MCPH1: variants seen among roughly 807,000 people sequenced by gnomAD.
MCPH1 encodes microcephalin.
Under a neutral mutation model 84.5 loss-of-function variants are expected in MCPH1, and 104 were observed. The observed-to-expected ratio is 1.23, with a 90% confidence interval of 1.05 to 1.45. MCPH1 has a LOEUF of 1.45. Ranked by LOEUF, MCPH1 falls within the 40% of genes most tolerant of loss-of-function variation. The pLI, the probability that MCPH1 is intolerant of heterozygous loss-of-function variation, is 0.00. For missense variants in MCPH1, 1,498 were observed against 1,005.7 expected (o/e 1.49, Z -6.62); for synonymous variants, 514 against 366.8 (o/e 1.40, Z -4.58).
chr8:6,469,965 G>A (rs1364573377), intron 9 of MCPH1, among the ~76,000 whole-genome samples: 1 of 151,884 alleles, frequency 6.6e-6, no homozygotes, highest in Non-Finnish European at 1.5e-5. Context: ...CCTTTTTCAC[G>A]TTTGCTCTGA....
chr8:6,548,714 C>T (rs1823054239), intron 12 of MCPH1, among the ~76,000 whole-genome samples: 1 of 152,168 alleles, frequency 6.6e-6, no homozygotes, highest in Admixed American at 6.5e-5. Flanking sequence ...AGCAAGCTCC[C>T]ATTGGCAAAA....
chr8:6,465,309 C>G (rs765487655), intron 9 of MCPH1, among the ~76,000 whole-genome samples: 6 of 152,240 alleles, frequency 3.9e-5, no homozygotes, highest in Non-Finnish European at 8.8e-5. Flanking sequence ...CTGCGCCTCT[C>G]TGGTACCAGT....
chr8:6,412,046 G>C (rs1049106733), intron 2 of MCPH1, among the ~76,000 whole-genome samples: 3 of 152,148 alleles, frequency 2.0e-5, no homozygotes, highest in African/African-American at 7.2e-5. Flanking sequence ...GCTGCTGTGG[G>C]TATAAAACTT....
At chr8:6,427,835 C>A (rs1449922479) in intron 3 of MCPH1, among the ~76,000 whole-genome samples, 1 of 150,858 alleles carries the variant, frequency 6.6e-6, no homozygotes, top group Non-Finnish European at 1.5e-5. Context: ...CTCTGTCGCC[C>A]AGACTGGAGT....
At chr8:6,436,843 G>A (rs1297693179) in intron 5 of MCPH1, among the ~76,000 whole-genome samples, 4 of 151,892 alleles carry the variant, frequency 2.6e-5, no homozygotes, top group African/African-American at 4.8e-5. Flanking sequence ...GGTGGCAGGC[G>A]CCTGTAGTCC....
intron 9 of MCPH1, among the ~76,000 whole-genome samples, chr8:6,460,819 T>G (rs1323890053): frequency 1.3e-5 from 2 of 152,254 alleles, no homozygotes; most frequent in East Asian, 3.9e-4. Flanking sequence ...CATGGGTTTC[T>G]TCTTCCATGA....
At chr8:6,428,629 G>A (rs1052131095) in intron 3 of MCPH1, among the ~76,000 whole-genome samples, 1 of 152,190 alleles carries the variant, frequency 6.6e-6, no homozygotes, top group East Asian at 1.9e-4. Flanking sequence ...CGGCCTTCAT[G>A]TCTGGCTTCT....
chr8:6,414,002 C>T (rs1279569936), intron 2 of MCPH1, among the ~76,000 whole-genome samples: 3 of 152,300 alleles, frequency 2.0e-5, no homozygotes, highest in East Asian at 3.9e-4. Context: ...ATCCACCTGC[C>T]TCGGCCTCCC....
intron 12 of MCPH1, among the ~76,000 whole-genome samples, chr8:6,564,723 A>G: frequency 6.6e-6 from 1 of 152,314 alleles, no homozygotes; most frequent in Admixed American, 6.5e-5. Flanking sequence ...TTCCCTTATC[A>G]ATGAATAGTT....
intron 8 of MCPH1, among the ~76,000 whole-genome samples, chr8:6,449,679 C>A (rs934871817): frequency 1.3e-5 from 2 of 151,924 alleles, no homozygotes; most frequent in African/African-American, 4.8e-5. Flanking sequence ...TTTGCTCTTG[C>A]ACTCAGTCTG....
chr8:6,505,298 TA>T lies in MCPH1; in HGVS notation c.2214+5370del, dbSNP rs1563305816. Among the ~76,000 whole-genome samples, 146 of 85,566 alleles carry T rather than the reference TA, an allele frequency of 1.7e-3. 17 individuals carry two copies. The highest frequency in any genetic ancestry group is 9.8e-3 in the African/African-American group (132 of 13,446). 56.1% of individuals were successfully genotyped at this position (85,566 alleles called of 152,430 possible). A position where few individuals can be genotyped will look rare whatever the true frequency, so the allele number is the denominator to read the frequency against. ...TATACATATATATGTTATATACATATATATGTATATAACATATATATGTTAT... is the reference window on the plus strand; with the variant it reads ...TATACATATATATGTTATATACATATTATGTATATAACATATATATGTTAT... On this transcript the variant is annotated intron_variant, in intron 12 of 13. Transcript: ENST00000344683.
At chr8:6,592,619 T>TC (rs1828567450) in intron 12 of MCPH1, among the ~76,000 whole-genome samples, 5 of 80,364 alleles carry the variant, frequency 6.2e-5, no homozygotes, top group Admixed American at 5.7e-4. Context: ...TCTTTCTTTT[T>TC]TTTGTTTTTT....
At chr8:6,568,255 ATGTGG>A (rs1826370294) in intron 12 of MCPH1, among the ~76,000 whole-genome samples, 1 of 116,664 alleles carries the variant, frequency 8.6e-6, no homozygotes, top group African/African-American at 4.7e-5. Flanking sequence ...CGCTAGCTGA[ATGTGG>A]AATGTGGACC....
At chr8:6,466,303 A>ATTT (rs749976037) in intron 9 of MCPH1, among the ~76,000 whole-genome samples, 4 of 138,468 alleles carry the variant, frequency 2.9e-5, no homozygotes, top group African/African-American at 1.1e-4. Flanking sequence ...CGCCTGGCTA[A>ATTT]TTTTTTTTTT....
At chr8:6,477,882 C>T (rs1808686480) in intron 10 of MCPH1, among the ~76,000 whole-genome samples, 1 of 152,224 alleles carries the variant, frequency 6.6e-6, no homozygotes, top group African/African-American at 2.4e-5. Flanking sequence ...CTTTTGCTTG[C>T]TTGATACCAA....
At position 6,480,802 on chromosome 8, in the gene MCPH1, T is replaced by A. The variant is rs745537006; in HGVS notation, c.2062T>A (p.Ser688Thr). The change falls in exon 11 of 14, where the codon TCC (serine) becomes ACC (threonine). Residue 688 changes from serine to threonine, a missense_variant. Physicochemically the swap from Ser to Thr is moderately conservative, Grantham distance 58. Transcript: ENST00000344683. ...DVCETTTHVL[S>T]GKPLRTLNVL... ...CTGTGAGACCACGACTCACGTGCTT[T>A]CCGGGAAGCCACTTCGCACCCTGAA... 1.2e-6 allele frequency: 2 copies of A among 1,614,228 alleles called. No individual in the cohort carries two copies. The highest frequency in any genetic ancestry group is 1.1e-5 in the South Asian group (1 of 91,078).
chr8:6,465,520 T>C (rs1195883052), intron 9 of MCPH1, among the ~76,000 whole-genome samples: 2 of 152,190 alleles, frequency 1.3e-5, no homozygotes, highest in Non-Finnish European at 2.9e-5. Context: ...AGGGAAGTCT[T>C]CCTGGGAGGT....
At chr8:6,564,173 G>T (rs1825937557) in intron 12 of MCPH1, among the ~76,000 whole-genome samples, 2 of 151,898 alleles carry the variant, frequency 1.3e-5, no homozygotes, top group African/African-American at 4.8e-5. Flanking sequence ...GTAGAGACAG[G>T]GTTTCACCAT....
chr8:6,504,315 C>A (rs1453691058), intron 12 of MCPH1, among the ~76,000 whole-genome samples: 1 of 46,624 alleles, frequency 2.1e-5, no homozygotes, highest in Non-Finnish European at 3.5e-5. Flanking sequence ...GAGACTCCAG[C>A]TCAAAAAAAA....
Sources: gnomAD v4.1 joint callset for allele counts (sites outside exome capture counted in the v4.1 genomes callset) on GRCh38, gnomAD v4.1.1 for gene constraint, MANE v1.5 for transcripts, NCBI Gene and HGNC (gene_info 2026-07-23, HGNC 2026-07-21) for gene names.